Variants in FGF13 observed in about 807,000 individuals in gnomAD.
The protein encoded by FGF13 is fibroblast growth factor 13.
Under a neutral mutation model 19.5 loss-of-function variants are expected in FGF13, and 2 were observed. The observed-to-expected ratio is 0.10, with a 90% CI of 0.04 to 0.32. The LOEUF is 0.32. Ranked by LOEUF, FGF13 falls within the 10% of genes least tolerant of loss-of-function variation. FGF13 has a pLI of 1.00. For synonymous variants in FGF13, 72 were observed against 76.9 expected (o/e 0.94, Z 0.33); for missense variants, 113 against 192.7 (o/e 0.59, Z 2.45).
intron 1 of FGF13, among the ~76,000 whole-genome samples, chrX:139,132,253 T>C (rs2148233890): frequency 8.9e-6 from 1 of 112,066 alleles, no homozygotes; most frequent in South Asian, 3.7e-4. Flanking sequence ...ATATTTGGCC[T>C]TCCTTTCTTT....
chrX:139,150,948 A>C (rs918938351), intron 1 of FGF13, among the ~76,000 whole-genome samples: 1 of 110,577 alleles, frequency 9.0e-6, no homozygotes, highest in Non-Finnish European at 1.9e-5. Context: ...ATCTTTTCTC[A>C]TACTCTGTCC....
intron 1 of FGF13, among the ~76,000 whole-genome samples, chrX:139,126,826 T>G: frequency 9.0e-6 from 1 of 111,363 alleles, no homozygotes; most frequent in East Asian, 2.9e-4. Context: ...AAATGTCAGC[T>G]CTGAGAATGG....
At chrX:138,997,291 A>G (rs973655786) in intron 1 of FGF13, among the ~76,000 whole-genome samples, 2 of 111,654 alleles carry the variant, frequency 1.8e-5, no homozygotes, top group African/African-American at 3.3e-5. Context: ...AAGGATCACA[A>G]CCCTTCGCCA....
chrX:138,829,261 G>A (rs746547773), intron 3 of FGF13, among the ~76,000 whole-genome samples: 1 of 111,851 alleles, frequency 8.9e-6, no homozygotes, highest in Admixed American at 9.5e-5. Flanking sequence ...TGGTGGTGTT[G>A]TAAGATGGGG....
intron 1 of FGF13, among the ~76,000 whole-genome samples, chrX:139,136,091 G>T (rs2083797816): frequency 9.0e-6 from 1 of 111,190 alleles, no homozygotes; most frequent in Admixed American, 9.6e-5. Context: ...AGATCCCCAG[G>T]GCTACTCTTC....
chrX:138,749,678 G>A (rs1162393619), intron 3 of FGF13, among the ~76,000 whole-genome samples: 1 of 111,956 alleles, frequency 8.9e-6, no homozygotes, highest in Non-Finnish European at 1.9e-5. Context: ...GATTTCACAA[G>A]TACAAAGACA....
chrX:139,088,406 C>A (rs2083417849), intron 1 of FGF13, among the ~76,000 whole-genome samples: 1 of 110,718 alleles, frequency 9.0e-6, no homozygotes, highest in African/African-American at 3.3e-5. Flanking sequence ...TTAACATATC[C>A]CAATCTGTGC....
At position 138,752,197 on chromosome X, in the gene FGF13, C is replaced by T. The variant is rs780611505; in HGVS notation, c.218-43269G>A. Among the ~76,000 whole-genome samples the T allele has an allele frequency of 1.9e-4, 21 of 111,429 alleles. No homozygotes were observed. In the East Asian group the frequency reaches 5.1e-3, roughly 27 times the overall value. On this transcript the variant is annotated intron_variant, in intron 3 of 6. Coordinates refer to the FGF13 transcript ENST00000436198. ...ATCCCAACACTTTGGGAGGCGGAGGCGGGCAGATCACCTGAGGTCAGGAGT... is the reference window on the plus strand; with the variant it reads ...ATCCCAACACTTTGGGAGGCGGAGGTGGGCAGATCACCTGAGGTCAGGAGT...
chrX:139,067,165 C>T (rs1226956531), intron 1 of FGF13, among the ~76,000 whole-genome samples: 1 of 111,841 alleles, frequency 8.9e-6, no homozygotes, highest in African/African-American at 3.3e-5. Context: ...GACAAACCCA[C>T]AGCCAATGTC....
intron 3 of FGF13, among the ~76,000 whole-genome samples, chrX:138,764,865 C>T (rs748081853): frequency 8.9e-6 from 1 of 111,965 alleles, no homozygotes; most frequent in Non-Finnish European, 1.9e-5. Flanking sequence ...TATAAACATG[C>T]CTTCTTGGGG....
At chrX:138,866,731 A>G (rs1458911603) in intron 1 of FGF13, among the ~76,000 whole-genome samples, 1 of 111,962 alleles carries the variant, frequency 8.9e-6, no homozygotes, top group Non-Finnish European at 1.9e-5. Context: ...TTAGAAATGC[A>G]GACTTGCAGG....
intron 1 of FGF13, among the ~76,000 whole-genome samples, chrX:139,025,497 G>A (rs752915182): frequency 9.0e-6 from 1 of 111,289 alleles, no homozygotes; most frequent in East Asian, 2.9e-4. Flanking sequence ...GGACAGTGGG[G>A]TCTCTCATCC....
chrX:138,671,071 T>G (rs568695850), intron 3 of FGF13, among the ~76,000 whole-genome samples: 3 of 111,060 alleles, frequency 2.7e-5, no homozygotes, highest in African/African-American at 9.8e-5. Flanking sequence ...CCATTATTAA[T>G]CTACATCATC....
chrX:138,713,226 A>G (rs771671017), upstream of FGF13, among the ~76,000 whole-genome samples: 31 of 112,735 alleles, frequency 2.7e-4, no homozygotes, highest in African/African-American at 9.7e-4. Flanking sequence ...AGTCTATTCA[A>G]GTATCCACTT....
At chrX:138,987,911 A>C (rs1317119720) in intron 1 of FGF13, among the ~76,000 whole-genome samples, 1 of 112,228 alleles carries the variant, frequency 8.9e-6, no homozygotes, top group Non-Finnish European at 1.9e-5. Context: ...TGTAACCTAC[A>C]ATACCTTGGA....
At chrX:138,836,940 C>G (rs181847205) in intron 3 of FGF13, among the ~76,000 whole-genome samples, 6 of 95,514 alleles carry the variant, frequency 6.3e-5, no homozygotes, top group Admixed American at 6.0e-4. Flanking sequence ...TTGTGGTATT[C>G]TGGGGGTCTG....
Position 138,624,346 on chromosome X carries a change from C to T in FGF13, c.*8504G>A, listed in dbSNP as rs753653875. 3 of 111,563 alleles carry T rather than the reference C, an allele frequency of 2.7e-5. No individual in the cohort carries two copies. Among genetic ancestry groups the T allele is most frequent in the Non-Finnish European group, 3.8e-5 (2 of 53,150 alleles). 9.2% of individuals were successfully genotyped at this position (111,563 alleles called of 1,213,427 possible). A position where few individuals can be genotyped will look rare whatever the true frequency, so the allele number is the denominator to read the frequency against. ...GGGAAATATAGTCCATTCAATAAAT[C>T]GTATTTTAAACATTGAATATCCAAA... is the stretch of plus-strand genomic sequence containing the variant. On this transcript the variant is annotated 3_prime_UTR_variant, in exon 5 of 5. Coordinates refer to ENST00000315930, the MANE Select transcript of FGF13 (RefSeq NM_004114.5).
rs1314103918 is a variant in FGF13, at chrX:138,701,228, T to A, written c.402+1756A>T. Among the ~76,000 whole-genome samples, 2 of 112,401 alleles carry A rather than the reference T, an allele frequency of 1.8e-5. 1 individual carries two copies. Among genetic ancestry groups the A allele is most frequent in the South Asian group, 7.4e-4 (2 of 2,716 alleles). The stretch of plus-strand genomic sequence containing the variant: ...TAATTATTTCATATGATATCTGGCA[T>A]GTGCTTTCTCAAAAGTATGCCCAGT... On this transcript the variant is annotated intron_variant, in intron 3 of 4. Coordinates refer to ENST00000315930, the MANE Select transcript of FGF13 (RefSeq NM_004114.5).
At chrX:139,120,400 A>G (rs2083669278) in intron 1 of FGF13, among the ~76,000 whole-genome samples, 1 of 111,681 alleles carries the variant, frequency 9.0e-6, no homozygotes, top group Non-Finnish European at 1.9e-5. Context: ...CATCAACCCC[A>G]TGGGGTAGGT....
Sources: gnomAD v4.1 joint callset for allele counts (sites outside exome capture counted in the v4.1 genomes callset) on GRCh38, gnomAD v4.1.1 for gene constraint, MANE v1.5 for transcripts, NCBI Gene and HGNC (gene_info 2026-07-23, HGNC 2026-07-21) for gene names.